The following SYNCRIP variants were observed in gnomAD, a reference collection of about 807,000 sequenced individuals.
SYNCRIP encodes synaptotagmin binding cytoplasmic RNA interacting protein.
A neutral mutation model predicts 68.9 loss-of-function variants in SYNCRIP; 9 were observed. That is an observed-to-expected ratio of 0.13 (90% CI 0.08 to 0.23). SYNCRIP has a LOEUF of 0.23. SYNCRIP is among the 10% of genes least tolerant of loss of function. SYNCRIP has a pLI of 1.00. For missense variants in SYNCRIP, 414 were observed against 770.6 expected (o/e 0.54, Z 5.48); for synonymous variants, 258 against 254.0 (o/e 1.02, Z -0.15).
intron 4 of SYNCRIP, 32 bp downstream of exon 4, chr6:85,640,189 T>A (rs754177184): frequency 6.7e-7 from 1 of 1,483,000 alleles, no homozygotes; most frequent in Admixed American, 1.7e-5. Flanking sequence ...TTAAAATGAC[T>A]TTAAAACTAA....
chr6:85,620,163 T>C (rs7747624), intron 8 of SYNCRIP, among the ~76,000 whole-genome samples: 8 of 152,272 alleles, frequency 5.3e-5, no homozygotes, highest in South Asian at 2.1e-4. Context: ...TGAGAAATGG[T>C]TGAACCCAAG....
chr6:85,641,251 GA>G (rs1562117722), intron 2 of SYNCRIP, 40 bp downstream of exon 2: 4 of 1,565,952 alleles, frequency 2.6e-6, no homozygotes, highest in Non-Finnish European at 3.5e-6. Context: ...AAATCCAATA[GA>G]AAAATTTCAT....
intron 6 of SYNCRIP, 43 bp downstream of exon 6, chr6:85,636,924 G>A (rs1808531041): frequency 3.9e-6 from 6 of 1,535,348 alleles, no homozygotes; most frequent in South Asian, 1.3e-5. Flanking sequence ...TGATATTAAA[G>A]ACAGTGAACG....
At chr6:85,625,841 G>A (rs1259927566) in intron 6 of SYNCRIP, among the ~76,000 whole-genome samples, 1 of 152,170 alleles carries the variant, frequency 6.6e-6, no homozygotes, top group Non-Finnish European at 1.5e-5. Context: ...ACTCCTCCAT[G>A]TTAACACAGA....
chr6:85,612,744 T>C (rs555106217), downstream of SYNCRIP: 24 of 852,694 alleles, frequency 2.8e-5, no homozygotes, highest in Middle Eastern at 3.8e-4. Context: ...TGTCCCGTAT[T>C]TGATTCCATG....
chr6:85,622,674 G>C lies in SYNCRIP; in HGVS notation c.816C>G (p.Asp272Glu). The change falls in exon 8 of 11, where the codon GAC becomes GAG. Residue 272 changes from aspartate (D) to glutamate (E), a missense_variant. Physicochemically the swap from Asp to Glu is conservative, Grantham distance 45 (BLOSUM62 2). Around this residue, in one of 6 missense-constraint regions of SYNCRIP, gnomAD observed 110 missense variants for 269.3 expected, o/e 0.41. Transcript: ENST00000369622. ...EFSKVTEGLT[D>E]VILYHQPDDK... ...CATCCGGTTGGTGGTATAAAATGACGTCTGTAAGACCCTCTGCAAGTAAGC... is the reference window on the plus strand; with the variant it reads ...CATCCGGTTGGTGGTATAAAATGACCTCTGTAAGACCCTCTGCAAGTAAGC... The C allele has an allele frequency of 6.2e-7, 1 of 1,614,080 alleles. No homozygotes were observed. Among genetic ancestry groups the C allele is most frequent in the East Asian group, 2.2e-5 (1 of 44,882 alleles).
At chr6:85,629,838 G>A (rs1000149635) in intron 6 of SYNCRIP, among the ~76,000 whole-genome samples, 2 of 151,730 alleles carry the variant, frequency 1.3e-5, no homozygotes, top group African/African-American at 4.8e-5. Context: ...AACAAAATTA[G>A]TCAGGCATGG....
intron 1 of SYNCRIP, among the ~76,000 whole-genome samples, chr6:85,642,437 C>A (rs1365995191): frequency 1.3e-5 from 2 of 152,202 alleles, no homozygotes; most frequent in African/African-American, 4.8e-5. Flanking sequence ...GTGAGCACCG[C>A]CCAAGCTCGC....
chr6:85,608,690 T>G (rs1562062583), exon 12 of SYNCRIP: 1 of 152,056 alleles, frequency 6.6e-6, no homozygotes, highest in Non-Finnish European at 1.5e-5. Flanking sequence ...TGTTTCTCAA[T>G]GCCAGACTTC....
chr6:85,634,713 G>A (rs1353547409), intron 6 of SYNCRIP, among the ~76,000 whole-genome samples: 1 of 152,170 alleles, frequency 6.6e-6, no homozygotes, highest in Non-Finnish European at 1.5e-5. Context: ...TTGCTTACTG[G>A]ATCATTCTGC....
chr6:85,643,301 C>A (rs1198334568), upstream of SYNCRIP: 1 of 152,140 alleles, frequency 6.6e-6, no homozygotes, highest in East Asian at 2.0e-4. Flanking sequence ...GCCGAGTCGG[C>A]TCCTCTCTTT....
At position 85,624,597 on chromosome 6, in the gene SYNCRIP, G is replaced by GT. The variant is rs1413152560; in HGVS notation, c.667-486dup. The stretch of plus-strand genomic sequence containing the variant: ...ACAGCTTTTATTTCTAAATCCAACT[G>GT]TACTTTTTCCCCATTTCATTTTCAT... On this transcript the variant is annotated intron_variant, in intron 6 of 10. Coordinates refer to ENST00000369622, the MANE Select transcript of SYNCRIP (RefSeq NM_006372.5). Among the ~76,000 whole-genome samples, 12 of 152,292 alleles carry GT rather than the reference G, an allele frequency of 7.9e-5. 1 individual carries two copies. The East Asian group carries it at 2.3e-3, about 29-fold the overall frequency.
chr6:85,626,464 A>AG (rs763804246), intron 6 of SYNCRIP, among the ~76,000 whole-genome samples: 15 of 152,136 alleles, frequency 9.9e-5, no homozygotes, highest in South Asian at 2.1e-4. Flanking sequence ...TGGTATAATG[A>AG]GGGGGGGAAC....
chr6:85,609,623 A>G (rs932492557), downstream of SYNCRIP: 14 of 151,932 alleles, frequency 9.2e-5, no homozygotes, highest in Admixed American at 8.5e-4. Flanking sequence ...CCTTCCACAA[A>G]AAGCATGCTT....
chr6:85,635,754 CAG>C (rs1397220123), intron 6 of SYNCRIP, among the ~76,000 whole-genome samples: 1 of 109,108 alleles, frequency 9.2e-6, no homozygotes, highest in African/African-American at 3.7e-5. Flanking sequence ...GTCTAGGTGA[CAG>C]AGTGAGATTC....
rs66756023 is a variant in SYNCRIP at position 85,623,579 on chromosome 6, A to ACAAAAACAAAAAAAAAAAAC, written c.802+397_802+398insGTTTTTTTTTTTTGTTTTTG. 1.0e-4 allele frequency among the ~76,000 whole-genome samples: 13 copies of ACAAAAACAAAAAAAAAAAAC among 125,758 alleles called. 1 individual carries two copies. The highest frequency in any genetic ancestry group is 5.0e-4 in the South Asian group (2 of 3,962). 82.5% of individuals were successfully genotyped at this position (125,758 alleles called of 152,430 possible). On this transcript the variant is annotated intron_variant, in intron 7 of 10. Coordinates refer to ENST00000369622, the MANE Select transcript of SYNCRIP (RefSeq NM_006372.5). ...ACTGTCTCCAAAAAAAAAAAAAAAA[A>ACAAAAACAAAAAAAAAAAAC]AAAACACTCTGCTACGGCAATACTT...
chr6:85,627,111 A>G (rs1562093425), intron 6 of SYNCRIP, among the ~76,000 whole-genome samples: 1 of 151,974 alleles, frequency 6.6e-6, no homozygotes, highest in Non-Finnish European at 1.5e-5. Flanking sequence ...ACTAAAACAC[A>G]AAAGAAATTA....
At chr6:85,630,228 G>C (rs1807576398) in intron 6 of SYNCRIP, among the ~76,000 whole-genome samples, 1 of 152,100 alleles carries the variant, frequency 6.6e-6, no homozygotes, top group Non-Finnish European at 1.5e-5. Flanking sequence ...CGGGTGTGGT[G>C]GCAGGCGCCT....
intron 6 of SYNCRIP, among the ~76,000 whole-genome samples, chr6:85,625,945 G>T (rs1460795649): frequency 6.6e-6 from 1 of 152,282 alleles, no homozygotes; most frequent in African/African-American, 2.4e-5. Context: ...CTTGCTGCTG[G>T]TATCTACTGG....
Sources: allele counts gnomAD v4.1 joint callset (sites outside exome capture counted in the v4.1 genomes callset), GRCh38; gene constraint gnomAD v4.1.1; regional missense constraint gnomAD v4.1.1; transcripts MANE v1.5; gene names NCBI Gene and HGNC (gene_info 2026-07-23, HGNC 2026-07-21).